The following ADAM12 variants were observed in gnomAD, a reference collection of about 807,000 sequenced individuals.
ADAM12 encodes the protein ADAM metallopeptidase domain 12, also known as disintegrin and metalloproteinase domain-containing protein 12.
ADAM12 carries 70 observed loss-of-function variants against 106.4 expected under a neutral mutation model. The observed-to-expected ratio is 0.66, with a 90% CI of 0.54 to 0.80. The LOEUF (loss-of-function observed/expected upper bound fraction) is 0.80. Ranked by LOEUF, ADAM12 falls within the 30% of genes least tolerant of loss-of-function variation. The pLI is 0.00. For synonymous variants in ADAM12, 420 were observed against 433.5 expected, an observed-to-expected ratio of 0.97 and a Z score of 0.39; for missense variants, 1,010 against 1,171.9, an observed-to-expected ratio of 0.86 and a Z score of 2.02.
intron 1 of ADAM12, among the ~76,000 whole-genome samples, chr10:126,335,449 C>T (rs1344087360): frequency 6.6e-6 from 1 of 152,154 alleles, no homozygotes; most frequent in Admixed American, 6.5e-5. Context: ...GACAAGGCTT[C>T]GGAAACTGAT....
At chr10:126,093,877 C>G in intron 11 of ADAM12, 108 bp downstream of exon 11, 2 of 1,514,952 alleles carry the variant, frequency 1.3e-6, no homozygotes, top group Non-Finnish European at 1.8e-6. Context: ...TTGGAAGCTT[C>G]CCTGGGTGCT....
intron 3 of ADAM12, among the ~76,000 whole-genome samples, chr10:126,182,422 A>AC (rs397964119): frequency 1.4e-4 from 21 of 152,122 alleles, no homozygotes; most frequent in Admixed American, 6.5e-4. Context: ...AACAAAAAAA[A>AC]CACTCACTAT....
intron 2 of ADAM12, among the ~76,000 whole-genome samples, chr10:126,301,818 C>A (rs1960637796): frequency 6.6e-6 from 1 of 152,266 alleles, no homozygotes; most frequent in Non-Finnish European, 1.5e-5. Context: ...GCAGACATTG[C>A]CCTTTATACA....
At chr10:126,163,511 T>C (rs1956972530) in intron 3 of ADAM12, among the ~76,000 whole-genome samples, 2 of 152,240 alleles carry the variant, frequency 1.3e-5, no homozygotes, top group African/African-American at 4.8e-5. Context: ...GATTTGAGTA[T>C]TGACTCAAAA....
At chr10:126,291,914 A>G (rs909322296) in intron 2 of ADAM12, among the ~76,000 whole-genome samples, 3 of 152,112 alleles carry the variant, frequency 2.0e-5, no homozygotes, top group South Asian at 2.1e-4. Flanking sequence ...ATTTCAACCC[A>G]GTCTGGCTCT....
intron 3 of ADAM12, among the ~76,000 whole-genome samples, chr10:126,227,915 C>T (rs556175451): frequency 6.6e-6 from 1 of 152,174 alleles, no homozygotes; most frequent in African/African-American, 2.4e-5. Flanking sequence ...GCTGGCAGCA[C>T]CCCCCAGAGC....
chr10:126,036,450 T>C, intron 20 of ADAM12, 125 bp from the exon 21 acceptor site: 1 of 903,390 alleles, frequency 1.1e-6, no homozygotes, highest in Non-Finnish European at 1.6e-6. Context: ...AGGAAAGAAA[T>C]CAAGGATGTA....
intron 3 of ADAM12, among the ~76,000 whole-genome samples, chr10:126,206,305 G>A (rs1386303615): frequency 2.6e-5 from 4 of 152,210 alleles, no homozygotes; most frequent in Non-Finnish European, 5.9e-5. Context: ...CTGACTCTGA[G>A]AGGCTTCAAG....
intron 2 of ADAM12, among the ~76,000 whole-genome samples, chr10:126,298,101 CA>C (rs1565198724): frequency 2.0e-5 from 3 of 151,924 alleles, no homozygotes; most frequent in Non-Finnish European, 4.4e-5. Context: ...GCTTAGGCAC[CA>C]ACCAACCATA....
intron 2 of ADAM12, among the ~76,000 whole-genome samples, chr10:126,279,605 T>C (rs1481115074): frequency 2.0e-5 from 3 of 151,918 alleles, no homozygotes; most frequent in Non-Finnish European, 2.9e-5. Flanking sequence ...CACACCCCTG[T>C]AATCCCAGCT....
At chr10:126,231,448 T>A (rs929086514) in intron 3 of ADAM12, among the ~76,000 whole-genome samples, 1 of 151,638 alleles carries the variant, frequency 6.6e-6, no homozygotes, top group Admixed American at 6.6e-5. Context: ...GTCTTAATAA[T>A]ATCTACCCTT....
Position 126,043,869 on chromosome 10 carries a change from T to C in ADAM12, c.1996-721A>G, listed in dbSNP as rs1411441779. 6.6e-6 allele frequency among the ~76,000 whole-genome samples: 1 copy of C among 152,124 alleles called. No individual in the cohort carries two copies. The highest frequency in any genetic ancestry group is 2.4e-5 in the African/African-American group (1 of 41,430). On this transcript the variant is annotated intron_variant, in intron 17 of 22. Coordinates refer to ENST00000448723, the MANE Select transcript of ADAM12 (RefSeq NM_001288973.2). This position sits in a 1 kb window ranked among gnomAD's most constrained non-coding sequence, Gnocchi z 4.1. The stretch of plus-strand genomic sequence containing the variant: ...TTCTTTTCATTGTGAAATAAGAGAA[T>C]GGTTCTGGCACGGCGGGAAAGGGAG...
At chr10:126,320,836 A>T (rs1854069028) in intron 2 of ADAM12, among the ~76,000 whole-genome samples, 1 of 152,244 alleles carries the variant, frequency 6.6e-6, no homozygotes, top group Non-Finnish European at 1.5e-5. Flanking sequence ...GTCACAAATG[A>T]ACTACACAAA....
intron 5 of ADAM12, among the ~76,000 whole-genome samples, chr10:126,120,223 C>G (rs993924028): frequency 2.0e-5 from 3 of 152,130 alleles, no homozygotes; most frequent in African/African-American, 7.2e-5. Context: ...AAGTTCACTA[C>G]AAATCAACTG....
At chr10:126,170,910 A>G (rs1674940) in intron 3 of ADAM12, among the ~76,000 whole-genome samples, 62,647 of 151,992 alleles carry the variant, frequency 0.41, 13,088 homozygotes, top group African/African-American at 0.45. Context: ...GGAGCATTTT[A>G]CATTAAGATC....
In ADAM12 at chr10:126,144,204, C is replaced by T. The variant is rs115887854; in HGVS notation, c.340-8544G>A. On this transcript the variant is annotated intron_variant, in intron 4 of 22. Coordinates refer to ENST00000448723, the MANE Select transcript of ADAM12 (RefSeq NM_001288973.2). Reference sequence around the variant, plus strand: ...CCTCCAGGCAAACTGGGCCTGGGAACAGCACGTCTGCAATAGTGAGATCAC... The same window carrying T: ...CCTCCAGGCAAACTGGGCCTGGGAATAGCACGTCTGCAATAGTGAGATCAC... 2.9e-3 allele frequency among the ~76,000 whole-genome samples: 441 copies of T among 152,288 alleles called. 4 individuals carry two copies. The highest frequency in any genetic ancestry group is 9.7e-3 in the African/African-American group (403 of 41,546).
In ADAM12 at chr10:126,066,971, T is replaced by C. The variant is rs1590362747; in HGVS notation, c.1324-165A>G. 3 of 673,504 alleles carry C rather than the reference T, an allele frequency of 4.5e-6. No homozygotes were observed. The East Asian group carries it at 8.5e-5, about 19-fold the overall frequency. 41.7% of individuals were successfully genotyped at this position (673,504 alleles called of 1,614,324 possible). A position where few individuals can be genotyped will look rare whatever the true frequency, so the allele number is the denominator to read the frequency against. On this transcript the variant is annotated intron_variant, in intron 12 of 22. Transcript: ENST00000448723. This position sits in a 1 kb window ranked among gnomAD's most constrained non-coding sequence, Gnocchi z 5.1. Reference sequence around the variant, plus strand: ...CCGTCTGTTAGGAAAGCAAAGCTTCTGCTTTTTATGAACCAACTGGGTCTA... The same window carrying C: ...CCGTCTGTTAGGAAAGCAAAGCTTCCGCTTTTTATGAACCAACTGGGTCTA...
intron 3 of ADAM12, among the ~76,000 whole-genome samples, chr10:126,213,400 C>T (rs1488617582): frequency 6.6e-6 from 1 of 152,142 alleles, no homozygotes; most frequent in African/African-American, 2.4e-5. Flanking sequence ...AGATTATATG[C>T]CAGAAGGAAT....
At chr10:126,376,914 T>C (rs1252313350) in intron 1 of ADAM12, among the ~76,000 whole-genome samples, 1 of 152,242 alleles carries the variant, frequency 6.6e-6, no homozygotes, top group African/African-American at 2.4e-5. Context: ...TTCTTTCATT[T>C]CACCTGCACT....
Sources: gnomAD v4.1 joint callset for allele counts (sites outside exome capture counted in the v4.1 genomes callset) on GRCh38, gnomAD v4.1.1 for gene constraint, Gnocchi (gnomAD v3.1) non-coding constraint, MANE v1.5 for transcripts, NCBI Gene and HGNC (gene_info 2026-07-23, HGNC 2026-07-21) for gene names.